Variants in PRLR observed in about 807,000 individuals in gnomAD.
The protein encoded by PRLR is hPRL receptor.
A neutral mutation model predicts 40.2 loss-of-function variants in PRLR; 13 were observed. The observed-to-expected ratio is 0.32, with a 90% CI of 0.21 to 0.51. The LOEUF is 0.51. Ranked by LOEUF, PRLR falls within the 20% of genes least tolerant of loss-of-function variation. PRLR has a pLI of 0.97. For synonymous variants in PRLR, 269 were observed against 278.7 expected, an observed-to-expected ratio of 0.97 and a Z score of 0.35; for missense variants, 656 against 747.3, an observed-to-expected ratio of 0.88 and a Z score of 1.42.
chr5:35,169,650 T>A (rs138811008), intron 1 of PRLR, among the ~76,000 whole-genome samples: 1 of 152,218 alleles, frequency 6.6e-6, no homozygotes, highest in Non-Finnish European at 1.5e-5. Context: ...ATGATTCTTA[T>A]GAGGAAATAT....
chr5:35,228,604 G>A (rs1367455469), intron 1 of PRLR, among the ~76,000 whole-genome samples: 1 of 152,232 alleles, frequency 6.6e-6, no homozygotes, highest in African/African-American at 2.4e-5. Flanking sequence ...TCTTTAGATG[G>A]CTCTCCAGGG....
At chr5:35,100,183 CAA>C (rs35912961) in intron 2 of PRLR, among the ~76,000 whole-genome samples, 16 of 65,012 alleles carry the variant, frequency 2.5e-4, no homozygotes, top group African/African-American at 4.9e-4. Flanking sequence ...GACTCTGTCT[CAA>C]AAAAAAAAAA....
intron 1 of PRLR, among the ~76,000 whole-genome samples, chr5:35,198,515 CCT>C (rs754590970): frequency 8.0e-4 from 122 of 152,110 alleles, no homozygotes; most frequent in Non-Finnish European, 4.9e-4. Flanking sequence ...CTTCTCTTTG[CCT>C]CTCTCTTTCC....
chr5:35,190,391 G>T (rs901215368), intron 1 of PRLR, among the ~76,000 whole-genome samples: 1 of 152,094 alleles, frequency 6.6e-6, no homozygotes, highest in African/African-American at 2.4e-5. Context: ...GATCGCTTGA[G>T]GTCAGGAGTT....
intron 3 of PRLR, 54 bp downstream of exon 3, chr5:35,089,497 C>A: frequency 7.9e-7 from 1 of 1,273,750 alleles, no homozygotes; most frequent in Non-Finnish European, 1.1e-6. Context: ...GACTCTCCAC[C>A]CTGTTGACAA....
Position 35,064,994 on chromosome 5 carries a change from T to C in PRLR, c.*95A>G. 1 of 1,374,824 alleles carries C rather than the reference T, an allele frequency of 7.3e-7. No homozygotes were observed. Among genetic ancestry groups the C allele is most frequent in the Non-Finnish European group, 9.9e-7 (1 of 1,010,988 alleles). The allele number at this position is 1,374,824 out of a possible 1,614,324, so 85.2% of individuals were successfully genotyped here. On this transcript the variant is annotated 3_prime_UTR_variant, in exon 10 of 10. Transcript: ENST00000618457. ...TGAAAGGAGCTGGGAGCTTTAGTAG[T>C]GTCAGTCTGACTACATTCTTGAGCA...
chr5:35,139,439 T>G (rs13164304), intron 1 of PRLR, among the ~76,000 whole-genome samples: 31,661 of 152,010 alleles, frequency 0.21, 5,961 homozygotes, highest in African/African-American at 0.5. Context: ...TTTCAACAAG[T>G]GCTAATAATA....
At chr5:35,230,177 G>A (rs1350363754) in intron 1 of PRLR, 91 bp downstream of exon 1, 1 of 152,190 alleles carries the variant, frequency 6.6e-6, no homozygotes. Flanking sequence ...TTCAGCACGC[G>A]GGCCTCGAAC....
chr5:35,168,126 CAT>C (rs1203810491), intron 1 of PRLR, among the ~76,000 whole-genome samples: 7 of 151,946 alleles, frequency 4.6e-5, no homozygotes, highest in African/African-American at 1.7e-4. Flanking sequence ...TAAAAAGTGA[CAT>C]GTCATAATGA....
chr5:35,196,740 T>A (rs1475357012), intron 1 of PRLR, among the ~76,000 whole-genome samples: 3 of 152,240 alleles, frequency 2.0e-5, no homozygotes, highest in African/African-American at 7.2e-5. Flanking sequence ...CCCGAAGGAA[T>A]CGTTCTCAGG....
chr5:35,116,065 G>C (rs574610691), intron 2 of PRLR, among the ~76,000 whole-genome samples: 6 of 152,256 alleles, frequency 3.9e-5, no homozygotes, highest in African/African-American at 1.4e-4. Flanking sequence ...ATAGCCACTG[G>C]AATCAGAAGT....
intron 1 of PRLR, among the ~76,000 whole-genome samples, chr5:35,125,062 A>G (rs1358257254): frequency 1.3e-5 from 2 of 152,196 alleles, no homozygotes; most frequent in Non-Finnish European, 2.9e-5. Context: ...TTTGGAGGTA[A>G]ATAAATAACA....
intron 1 of PRLR, among the ~76,000 whole-genome samples, chr5:35,157,536 C>T (rs1774546395): frequency 6.6e-6 from 1 of 152,244 alleles, no homozygotes; most frequent in East Asian, 1.9e-4. Flanking sequence ...GCCCAGAACA[C>T]AGATGAGGAA....
chr5:35,117,951 T>G, intron 2 of PRLR, 110 bp downstream of exon 2: 1 of 490,968 alleles, frequency 2.0e-6, no homozygotes, highest in Non-Finnish European at 2.6e-6. Flanking sequence ...ATTGACTGGT[T>G]TGAGATGATA....
intron 2 of PRLR, among the ~76,000 whole-genome samples, chr5:35,091,822 T>C (rs1771233091): frequency 6.6e-6 from 1 of 152,254 alleles, no homozygotes; most frequent in African/African-American, 2.4e-5. Flanking sequence ...TTTATCCTGC[T>C]GATCTGGTGA....
In PRLR at chr5:35,059,611, C is replaced by G. The variant is rs115914457; in HGVS notation, c.*5478G>C. ...AACTTCCTATTTCCTGTTTTACTAT[C>G]TTTTTCCTTTTATCAAAATGGGTGC... On this transcript the variant is annotated 3_prime_UTR_variant, in exon 10 of 10. Coordinates refer to ENST00000618457, the MANE Select transcript of PRLR (RefSeq NM_000949.7). 5 of 152,144 alleles carry G rather than the reference C, an allele frequency of 3.3e-5. No homozygotes were observed. The highest frequency in any genetic ancestry group is 1.2e-4 in the African/African-American group (5 of 41,426). 9.4% of individuals were successfully genotyped at this position (152,144 alleles called of 1,614,324 possible).
At chr5:35,208,677 G>A (rs1776085823) in intron 1 of PRLR, among the ~76,000 whole-genome samples, 1 of 152,002 alleles carries the variant, frequency 6.6e-6, no homozygotes, top group Non-Finnish European at 1.5e-5. Context: ...TCAAACTGGG[G>A]AAATATTTAT....
chr5:35,049,766 G>T (rs534018447), intron 8 of PRLR, among the ~76,000 whole-genome samples: 1 of 152,214 alleles, frequency 6.6e-6, no homozygotes, highest in African/African-American at 2.4e-5. Context: ...TTCTGTACTT[G>T]ACTAATTATT....
At position 35,059,643 on chromosome 5, in the gene PRLR, G is replaced by T. The variant is rs1049019313; in HGVS notation, c.*5446C>A. ...CTTTTATCAAAATGGGTGCCATGAG[G>T]GTCCCAGACCAAAACTCACCATCCT... On this transcript the variant is annotated 3_prime_UTR_variant, in exon 10 of 10. Coordinates refer to ENST00000618457, the MANE Select transcript of PRLR (RefSeq NM_000949.7). 1.3e-5 allele frequency: 2 copies of T among 152,016 alleles called. No individual in the cohort carries two copies. The highest frequency in any genetic ancestry group is 6.6e-5 in the Admixed American group (1 of 15,248). 9.4% of individuals were successfully genotyped at this position (152,016 alleles called of 1,614,324 possible).
Sources: allele counts gnomAD v4.1 joint callset (sites outside exome capture counted in the v4.1 genomes callset), GRCh38; gene constraint gnomAD v4.1.1; transcripts MANE v1.5; gene names NCBI Gene and HGNC (gene_info 2026-07-23, HGNC 2026-07-21).